TMEM63B: variants seen among roughly 807,000 people sequenced by gnomAD.
The protein encoded by TMEM63B is mechanosensitive cation channel TMEM63B.
TMEM63B carries 23 observed loss-of-function variants against 102.6 expected under a neutral mutation model. The observed-to-expected ratio is 0.22, with a 90% CI of 0.16 to 0.32. TMEM63B has a LOEUF of 0.32. TMEM63B is among the 10% of genes least tolerant of loss of function. The pLI, the probability that TMEM63B is intolerant of heterozygous loss-of-function variation, is 1.00. For missense variants in TMEM63B, 628 were observed against 1,095.9 expected (o/e 0.57, Z 6.03); for synonymous variants, 444 against 437.0 (o/e 1.02, Z -0.20).
At chr6:44,151,205 C>G (rs776205189) in intron 18 of TMEM63B, among the ~76,000 whole-genome samples, 3 of 152,022 alleles carry the variant, frequency 2.0e-5, no homozygotes, top group Non-Finnish European at 4.4e-5. Context: ...TCTAAAATTT[C>G]AGGCTTTTAT....
chr6:44,144,600 T>A (rs1475581634), intron 10 of TMEM63B, among the ~76,000 whole-genome samples: 2 of 151,814 alleles, frequency 1.3e-5, no homozygotes, highest in Admixed American at 6.6e-5. Context: ...AAAAAACAAT[T>A]TTTTTTGAGA....
chr6:44,139,432 A>G, intron 6 of TMEM63B, 35 bp from the exon 7 acceptor site: 1 of 1,611,358 alleles, frequency 6.2e-7, no homozygotes, highest in South Asian at 1.1e-5. Flanking sequence ...CCCTGGTCCT[A>G]ACCTAATTCC....
intron 23 of TMEM63B, 70 bp from the exon 24 acceptor site, chr6:44,154,622 A>G: frequency 2.7e-6 from 4 of 1,503,604 alleles, no homozygotes; most frequent in African/African-American, 1.4e-5. Context: ...GCTGTCCTAC[A>G]TGCCCTGGTG....
Position 44,152,242 on chromosome 6 carries a change from G to T in TMEM63B, c.1836+234G>T, listed in dbSNP as rs1766843773. On this transcript the variant is annotated intron_variant, in intron 19 of 23. Coordinates refer to ENST00000323267, the MANE Select transcript of TMEM63B (RefSeq NM_018426.3). This position sits in a 1 kb window ranked among gnomAD's most constrained non-coding sequence, Gnocchi z 6.4. ...GCCAGTTCTGACAGTAGCATTCTAT[G>T]ATGGGAGTTGGGGAGATCTGGGTCC... Among the ~76,000 whole-genome samples, 1 of 152,072 alleles carries T rather than the reference G, an allele frequency of 6.6e-6. No individual in the cohort carries two copies. The highest frequency in any genetic ancestry group is 1.5e-5 in the Non-Finnish European group (1 of 67,992).
intron 6 of TMEM63B, chr6:44,138,801 T>G: frequency 2.5e-6 from 1 of 394,314 alleles, no homozygotes; most frequent in Non-Finnish European, 4.7e-6. Context: ...TGCCTCAACC[T>G]CTGTGCAGCC....
chr6:44,153,497 C>T (rs928411958), intron 20 of TMEM63B, among the ~76,000 whole-genome samples, 179 bp from the exon 21 acceptor site: 2 of 152,190 alleles, frequency 1.3e-5, no homozygotes, highest in African/African-American at 2.4e-5. Context: ...GGGGTTGTAG[C>T]GGAGGAAGCT....
chr6:44,151,687 G>T (rs535568381), intron 18 of TMEM63B, among the ~76,000 whole-genome samples, 159 bp from the exon 19 acceptor site: 2 of 152,118 alleles, frequency 1.3e-5, no homozygotes, highest in Non-Finnish European at 2.9e-5. Context: ...TATGTCTCTG[G>T]GGGGAACAGG....
At position 44,153,573 on chromosome 6, in the gene TMEM63B, G is replaced by C. The variant is rs905309685; in HGVS notation, c.1943-103G>C. 2.8e-5 allele frequency: 40 copies of C among 1,408,326 alleles called. No homozygotes were observed. In the Admixed American group the frequency reaches 6.9e-4, roughly 24 times the overall value. 87.2% of individuals were successfully genotyped at this position (1,408,326 alleles called of 1,614,324 possible). On this transcript the variant is annotated intron_variant, in intron 20 of 23. Coordinates refer to ENST00000323267, the MANE Select transcript of TMEM63B (RefSeq NM_018426.3). The stretch of plus-strand genomic sequence containing the variant: ...TCCTGGGGCCCGGGCAGGAGGAGGG[G>C]GCCAACCCTTCAGCACTCTCAGGAC...
At chr6:44,145,274 CA>C (rs34315211) in intron 10 of TMEM63B, among the ~76,000 whole-genome samples, 14,172 of 105,662 alleles carry the variant, frequency 0.13, 759 homozygotes, top group East Asian at 0.31. Context: ...GACTCCGCCT[CA>C]AAAAAAAAAA....
At position 44,135,003 on chromosome 6, in the gene TMEM63B, C is replaced by T. The variant is rs879763249; in HGVS notation, c.160-14C>T. On this transcript the variant is annotated splice_polypyrimidine_tract_variant and intron_variant, in intron 2 of 23. Coordinates refer to ENST00000323267, the MANE Select transcript of TMEM63B (RefSeq NM_018426.3). ...ACAGCCTCTGCACTTGCCAACTGCC[C>T]CCTCTTCCCTCAGGCACTGCTGTTC... The T allele has an allele frequency of 6.2e-7, 1 of 1,614,086 alleles. No homozygotes were observed. The highest frequency in any genetic ancestry group is 1.7e-5 in the Admixed American group (1 of 60,014).
chr6:44,141,120 C>T, intron 10 of TMEM63B, 22 bp downstream of exon 10: 1 of 1,611,958 alleles, frequency 6.2e-7, no homozygotes, highest in Non-Finnish European at 8.5e-7. Context: ...ACGCTTCCCC[C>T]TACCCTCAAG....
At position 44,151,993 on chromosome 6, in the gene TMEM63B, G is replaced by A. The variant is rs1657752802; in HGVS notation, c.1821G>A (p.Arg607=). Residue 607 remains arginine (R), a synonymous_variant, in exon 19 of 24, where the codon AGG becomes AGA. Coordinates refer to ENST00000323267, the MANE Select transcript of TMEM63B (RefSeq NM_018426.3). ...GCCTGGCGCGCTCGGCCGCCGAGAGGCGCAACGTGAAGCGGGTACGGCCGC... is the reference window on the plus strand; with the variant it reads ...GCCTGGCGCGCTCGGCCGCCGAGAGACGCAACGTGAAGCGGGTACGGCCGC... The part of the protein sequence containing the change: ...RLCLARSAAE[R]RNVKRHQAYE... 1.9e-6 allele frequency: 3 copies of A among 1,610,164 alleles called. No homozygotes were observed. The highest frequency in any genetic ancestry group is 2.5e-6 in the Non-Finnish European group (3 of 1,178,230).
Position 44,127,668 on chromosome 6 carries a change from T to G in TMEM63B, c.-35T>G, listed in dbSNP as rs2128209489. On this transcript the variant is annotated 5_prime_UTR_variant, in exon 1 of 24. Coordinates refer to ENST00000323267, the MANE Select transcript of TMEM63B (RefSeq NM_018426.3). ...CGGGGCTCCGAGCCGGAGCCGAGTC[T>G]GCGCCTGGGGGTGAGTACGCGACCC... The G allele has an allele frequency of 7.1e-6, 1 of 141,072 alleles. No homozygotes were observed. The highest frequency in any genetic ancestry group is 2.4e-4 in the East Asian group (1 of 4,202). The allele number at this position is 141,072 out of a possible 1,614,324, so 8.7% of individuals were successfully genotyped here.
At chr6:44,137,523 CAG>C (rs1763207370) in intron 5 of TMEM63B, among the ~76,000 whole-genome samples, 1 of 152,158 alleles carries the variant, frequency 6.6e-6, no homozygotes, top group African/African-American at 2.4e-5. Context: ...ATGTTGGCAA[CAG>C]GTAGCATGGT....
chr6:44,154,244 T>C, intron 22 of TMEM63B, 56 bp downstream of exon 22: 8 of 1,601,608 alleles, frequency 5.0e-6, no homozygotes, highest in Admixed American at 1.7e-5. Context: ...AGGGGAGGAA[T>C]GCAGAGGGCC....
rs374055097 is a variant in TMEM63B at position 44,135,372 on chromosome 6, T to C, written c.278+6T>C. On this transcript the variant is annotated splice_donor_region_variant and intron_variant, in intron 4 of 23. Transcript: ENST00000323267. ...GACCGAGTGGAACAGGAATAGTATG[T>C]GGGGCACCAGCCCCCTCATTCCCAC... 3.2e-5 allele frequency: 51 copies of C among 1,610,006 alleles called. No individual in the cohort carries two copies. The highest frequency in any genetic ancestry group is 4.1e-5 in the Non-Finnish European group (48 of 1,177,302).
In TMEM63B at chr6:44,150,378, C is replaced by G; in HGVS notation, c.1607+68C>G. On this transcript the variant is annotated intron_variant, in intron 17 of 23. Transcript: ENST00000323267. The surrounding 1 kb of genome is among the most constrained non-coding windows in gnomAD (Gnocchi z 4.7). The stretch of plus-strand genomic sequence containing the variant: ...GCAGGATAGGGAGAGGAGAGCAGTT[C>G]AGCCTCCCTACCTCCCCTACAAAGC... The G allele has an allele frequency of 6.5e-7, 1 of 1,531,480 alleles. No individual in the cohort carries two copies. Among genetic ancestry groups the G allele is most frequent in the East Asian group, 2.2e-5 (1 of 44,454 alleles). 94.9% of individuals were successfully genotyped at this position (1,531,480 alleles called of 1,614,324 possible).
chr6:44,152,234 C>G lies in TMEM63B; in HGVS notation c.1836+226C>G, dbSNP rs1292940390. Among the ~76,000 whole-genome samples the G allele has an allele frequency of 6.6e-6, 1 of 152,090 alleles. No individual in the cohort carries two copies. The highest frequency in any genetic ancestry group is 2.4e-5 in the African/African-American group (1 of 41,398). The stretch of plus-strand genomic sequence containing the variant: ...AGGCCCCTGCCAGTTCTGACAGTAG[C>G]ATTCTATGATGGGAGTTGGGGAGAT... On this transcript the variant is annotated intron_variant, in intron 19 of 23. Transcript: ENST00000323267. This position sits in a 1 kb window ranked among gnomAD's most constrained non-coding sequence, Gnocchi z 6.4.
intron 15 of TMEM63B, 199 bp downstream of exon 15, chr6:44,149,144 G>A (rs566838335): frequency 2.5e-5 from 17 of 690,750 alleles, no homozygotes; most frequent in East Asian, 1.1e-4. Flanking sequence ...ACCCTCAGGT[G>A]TGCAACACCT....
Sources: allele counts gnomAD v4.1 joint callset (sites outside exome capture counted in the v4.1 genomes callset), GRCh38; gene constraint gnomAD v4.1.1; non-coding constraint Gnocchi (gnomAD v3.1); transcripts MANE v1.5; gene names NCBI Gene and HGNC (gene_info 2026-07-23, HGNC 2026-07-21).